Variants in GRAMD1B observed in about 807,000 individuals in gnomAD.
GRAMD1B encodes the protein protein Aster-B.
A neutral mutation model predicts 99.7 loss-of-function variants in GRAMD1B; 37 were observed. The observed-to-expected ratio is 0.37, with a 90% CI of 0.29 to 0.49. GRAMD1B has a LOEUF of 0.49. Among genes scored for constraint, GRAMD1B ranks in the 20% least tolerant of loss-of-function variants. The probability of loss-of-function intolerance (pLI) is 0.98; values close to 1 mark genes in which losing one functional copy is unlikely to be tolerated. For missense variants in GRAMD1B, 888 were observed against 1,009.2 expected (o/e 0.88, Z 1.63); for synonymous variants, 427 against 387.6 (o/e 1.10, Z -1.19).
In GRAMD1B at chr11:123,492,050, C is replaced by G. The variant is rs2714083; in HGVS notation, c.452+11157C>G. ...ATTGTAGGTCCCTGCCCAAGAGGGACACTCGGTGATCCATTGCAAGAGGCT... is the reference window on the plus strand; with the variant it reads ...ATTGTAGGTCCCTGCCCAAGAGGGAGACTCGGTGATCCATTGCAAGAGGCT... On this transcript the variant is annotated intron_variant, in intron 2 of 19. Coordinates refer to ENST00000635736, the MANE Select transcript of GRAMD1B (RefSeq NM_001387025.1). This position sits in a 1 kb window ranked among gnomAD's most constrained non-coding sequence, Gnocchi z 4.2. The G allele has an allele frequency of 0.38, 150,011 of 395,428 alleles. 31,310 individuals are homozygous for G. Among genetic ancestry groups the G allele is most frequent in the African/African-American group, 0.65 (31,528 of 48,336 alleles). The allele number at this position is 395,428 out of a possible 1,614,324, so 24.5% of individuals were successfully genotyped here. A position where few individuals can be genotyped will look rare whatever the true frequency, so the allele number is the denominator to read the frequency against.
intron 1 of GRAMD1B, among the ~76,000 whole-genome samples, chr11:123,436,315 T>C (rs944617544): frequency 4.6e-5 from 7 of 152,186 alleles, no homozygotes; most frequent in Non-Finnish European, 8.8e-5. Context: ...CACTGATCTA[T>C]AGAGAGCTGA....
rs371729209 is a variant in GRAMD1B, at chr11:123,622,599, G to C, written c.*4G>C. The stretch of plus-strand genomic sequence containing the variant: ...AAAGAGGAATCGCTATCATTGACAA[G>C]GCAGGAACAGGGTGGCTGCAAGAGG... On this transcript the variant is annotated 3_prime_UTR_variant, in exon 20 of 20. Transcript: ENST00000635736. 41 of 1,517,844 alleles carry C rather than the reference G, an allele frequency of 2.7e-5. No individual in the cohort carries two copies. Among genetic ancestry groups the C allele is most frequent in the Non-Finnish European group, 3.5e-5 (39 of 1,117,246 alleles). 94.0% of individuals were successfully genotyped at this position (1,517,844 alleles called of 1,614,324 possible).
At chr11:123,576,392 AC>A (rs1444649522) in intron 2 of GRAMD1B, among the ~76,000 whole-genome samples, 1 of 152,044 alleles carries the variant, frequency 6.6e-6, no homozygotes, top group Non-Finnish European at 1.5e-5. Flanking sequence ...TTCTGCTGGC[AC>A]TTTCTACTTA....
At chr11:123,377,985 T>C (rs1946747140) in intron 1 of GRAMD1B, among the ~76,000 whole-genome samples, 1 of 152,230 alleles carries the variant, frequency 6.6e-6, no homozygotes, top group African/African-American at 2.4e-5. Flanking sequence ...GCACACTCTG[T>C]CCTTTTTTCC....
intron 1 of GRAMD1B, among the ~76,000 whole-genome samples, chr11:123,378,365 A>G (rs1053379236): frequency 1.3e-5 from 2 of 152,178 alleles, no homozygotes. Flanking sequence ...TCTGGCCCTC[A>G]GTCTGTCAAA....
intron 1 of GRAMD1B, among the ~76,000 whole-genome samples, chr11:123,384,030 C>T (rs1199542647): frequency 6.6e-6 from 1 of 152,068 alleles, no homozygotes; most frequent in African/African-American, 2.4e-5. Context: ...ACCACCACGC[C>T]CAGCTAATTT....
At chr11:123,402,143 G>A (rs996985943) in intron 1 of GRAMD1B, among the ~76,000 whole-genome samples, 2 of 152,174 alleles carry the variant, frequency 1.3e-5, no homozygotes, top group Admixed American at 6.5e-5. Context: ...AGCCTCCCAA[G>A]TAGCTGGGCT....
At chr11:123,462,639 A>C (rs2134513921) in intron 1 of GRAMD1B, among the ~76,000 whole-genome samples, 1 of 152,314 alleles carries the variant, frequency 6.6e-6, no homozygotes, top group South Asian at 2.1e-4. Context: ...TCAGGGACAA[A>C]AAACCTTAAA....
chr11:123,572,822 G>C (rs1948265570), intron 2 of GRAMD1B, among the ~76,000 whole-genome samples: 1 of 151,094 alleles, frequency 6.6e-6, no homozygotes, highest in Admixed American at 6.6e-5. Flanking sequence ...CCCGATGGCT[G>C]GGGCAGGGGC....
intron 1 of GRAMD1B, among the ~76,000 whole-genome samples, chr11:123,464,396 G>T (rs375253216): frequency 6.6e-6 from 1 of 152,192 alleles, no homozygotes; most frequent in Non-Finnish European, 1.5e-5. Flanking sequence ...GACGCCGATT[G>T]TGCATATCAT....
intron 1 of GRAMD1B, among the ~76,000 whole-genome samples, chr11:123,405,997 C>A (rs1430068043): frequency 2.7e-5 from 4 of 149,928 alleles, no homozygotes; most frequent in African/African-American, 7.4e-5. Context: ...GGGTCACAGT[C>A]AAAAACTGAA....
In GRAMD1B at chr11:123,560,071, C is replaced by G. The variant is rs1020253878; in HGVS notation, c.453-17296C>G. Among the ~76,000 whole-genome samples the G allele has an allele frequency of 8.0e-5, 12 of 150,614 alleles. No individual in the cohort carries two copies. In the South Asian group the frequency reaches 8.4e-4, roughly 11 times the overall value. ...TGAGGGTGAAGAGGAAATAACCCCC[C>G]CCCCCGCAGCCCCAGCGGCTCTGTC... On this transcript the variant is annotated intron_variant, in intron 2 of 19. Transcript: ENST00000635736.
intron 1 of GRAMD1B, among the ~76,000 whole-genome samples, chr11:123,407,817 T>G (rs1009763726): frequency 2.6e-4 from 40 of 152,224 alleles, no homozygotes; most frequent in African/African-American, 7.2e-4. Context: ...GCCTGTAAAC[T>G]AAGCTCTGCA....
intron 1 of GRAMD1B, among the ~76,000 whole-genome samples, chr11:123,383,293 T>C (rs1271847462): frequency 6.6e-6 from 1 of 152,184 alleles, no homozygotes; most frequent in African/African-American, 2.4e-5. Flanking sequence ...GTTTCCAATG[T>C]GTGGCATCTT....
chr11:123,616,848 C>T (rs948231262), intron 17 of GRAMD1B, among the ~76,000 whole-genome samples: 5 of 152,212 alleles, frequency 3.3e-5, no homozygotes, highest in African/African-American at 1.2e-4. Flanking sequence ...GCACCAAGAT[C>T]GTGAGCAGGC....
At chr11:123,435,512 T>C in intron 1 of GRAMD1B, 2 of 691,342 alleles carry the variant, frequency 2.9e-6, no homozygotes, top group Middle Eastern at 4.7e-4. Flanking sequence ...CCTTAAACCC[T>C]AGGAAGGAAG....
rs138818432 is a variant in GRAMD1B, at chr11:123,597,031, C to T, written c.969+994C>T. ...AGAAGAAACAGGTAGACAGACCCATCAAAGTCTCTCATTCTGACCTAGCAA... is the reference window on the plus strand; with the variant it reads ...AGAAGAAACAGGTAGACAGACCCATTAAAGTCTCTCATTCTGACCTAGCAA... On this transcript the variant is annotated intron_variant, in intron 7 of 19. Coordinates refer to ENST00000635736, the MANE Select transcript of GRAMD1B (RefSeq NM_001387025.1). 2.6e-5 allele frequency among the ~76,000 whole-genome samples: 4 copies of T among 152,114 alleles called. No homozygotes were observed. The East Asian group carries it at 7.7e-4, about 29-fold the overall frequency.
intron 3 of GRAMD1B, among the ~76,000 whole-genome samples, chr11:123,581,161 G>A (rs578249511): frequency 3.1e-4 from 47 of 152,172 alleles, no homozygotes; most frequent in African/African-American, 1.1e-3. Context: ...TCCTTTAAGT[G>A]CTTGCTCTTC....
chr11:123,603,816 C>G (rs1293366682), intron 9 of GRAMD1B, among the ~76,000 whole-genome samples: 1 of 152,222 alleles, frequency 6.6e-6, no homozygotes, highest in South Asian at 2.1e-4. Flanking sequence ...CAGGATCACT[C>G]TGGTCTTTGC....
Sources: allele counts gnomAD v4.1 joint callset (sites outside exome capture counted in the v4.1 genomes callset), GRCh38; gene constraint gnomAD v4.1.1; non-coding constraint Gnocchi (gnomAD v3.1); transcripts MANE v1.5; gene names NCBI Gene and HGNC (gene_info 2026-07-23, HGNC 2026-07-21).